MICB: variants seen among roughly 807,000 people sequenced by gnomAD.
MICB encodes the protein MHC class I polypeptide-related sequence B, also known as MHC class I antigen-related protein B.
Under a neutral mutation model 34.3 loss-of-function variants are expected in MICB, and 27 were observed. The observed-to-expected ratio is 0.79, with a 90% CI of 0.58 to 1.08. The LOEUF (loss-of-function observed/expected upper bound fraction) is 1.08, where lower values mean the gene tolerates loss of function less well. Ranked by LOEUF, MICB falls within the 50% of genes least tolerant of loss-of-function variation. MICB has a pLI of 0.00. For synonymous variants in MICB, 153 were observed against 187.4 expected, an observed-to-expected ratio of 0.82 and a Z score of 1.50; for missense variants, 426 against 483.1, an observed-to-expected ratio of 0.88 and a Z score of 1.11.
In MICB at chr6:31,505,643, A is replaced by G; in HGVS notation, c.97A>G (p.Met33Val). 6.2e-7 allele frequency: 1 copy of G among 1,612,668 alleles called. No individual in the cohort carries two copies. The highest frequency in any genetic ancestry group is 8.5e-7 in the Non-Finnish European group (1 of 1,179,816). The change falls in exon 2 of 6, where the codon ATG becomes GTG. Residue 33 changes from methionine to valine, a missense_variant. Met to Val is a conservative substitution (Grantham distance 21, BLOSUM62 1). Transcript: ENST00000252229. Reference sequence around the variant, plus strand: ...GCCCCACAGTCTTCGTTACAACCTCATGGTGCTGTCCCAGGATGGATCTGT... The same window carrying G: ...GCCCCACAGTCTTCGTTACAACCTCGTGGTGCTGTCCCAGGATGGATCTGT... ...AEPHSLRYNLMVLSQDGSVQS... is the reference protein window; with the variant it reads ...AEPHSLRYNLVVLSQDGSVQS...
intron 1 of MICB, among the ~76,000 whole-genome samples, chr6:31,500,618 G>A (rs1764967192): frequency 6.6e-6 from 1 of 152,046 alleles, no homozygotes; most frequent in African/African-American, 2.4e-5. Flanking sequence ...CTCAGCCTCT[G>A]GTAGTCGTCA....
intron 1 of MICB, among the ~76,000 whole-genome samples, chr6:31,499,477 C>G (rs1371035962): frequency 6.6e-6 from 1 of 152,002 alleles, no homozygotes; most frequent in African/African-American, 2.4e-5. Context: ...GCAGCCTTCA[C>G]TCCGTGCTGC....
At chr6:31,502,689 C>G in intron 1 of MICB, among the ~76,000 whole-genome samples, 1 of 152,196 alleles carries the variant, frequency 6.6e-6, no homozygotes, top group East Asian at 1.9e-4. Flanking sequence ...GATGTGCAAA[C>G]AAGGATAATT....
intron 1 of MICB, among the ~76,000 whole-genome samples, chr6:31,504,360 T>C (rs1266031954): frequency 1.4e-5 from 2 of 145,598 alleles, no homozygotes; most frequent in Non-Finnish European, 3.0e-5. Context: ...GCTAGCTTCA[T>C]GCCATTCTCC....
chr6:31,505,893 A>T, intron 2 of MICB, 22 bp downstream of exon 2: 1 of 1,575,124 alleles, frequency 6.3e-7, no homozygotes, highest in African/African-American at 1.4e-5. Flanking sequence ...CAGGGGCAAG[A>T]GTAATGGGAG....
chr6:31,498,336 C>G (rs1213816912), intron 1 of MICB, 73 bp downstream of exon 1: 8 of 1,322,096 alleles, frequency 6.1e-6, no homozygotes, highest in African/African-American at 1.5e-5. Context: ...GGTGGGTTGC[C>G]GCGAGCGCTG....
intron 1 of MICB, among the ~76,000 whole-genome samples, chr6:31,499,486 G>A (rs1764901289): frequency 6.6e-6 from 1 of 151,256 alleles, no homozygotes; most frequent in Non-Finnish European, 1.5e-5. Context: ...ACTCCGTGCT[G>A]CCCCTATGCC....
chr6:31,506,982 G>A (rs1765373070), intron 3 of MICB, 40 bp from the exon 4 acceptor site: 1 of 1,592,118 alleles, frequency 6.3e-7, no homozygotes, highest in Non-Finnish European at 8.6e-7. Flanking sequence ...CTCCCTTAGA[G>A]GGGAGCAGGG....
upstream of MICB, among the ~76,000 whole-genome samples, chr6:31,496,232 TATTGAGA>T (rs1221950410): frequency 1.3e-5 from 2 of 152,230 alleles, no homozygotes; most frequent in African/African-American, 2.4e-5. Context: ...GAATTCTTAT[TATTGAGA>T]ATTGAGAATT....
chr6:31,495,602 G>A (rs75565243), upstream of MICB, among the ~76,000 whole-genome samples: 4,267 of 152,206 alleles, frequency 0.028, 150 homozygotes, highest in South Asian at 0.15. Flanking sequence ...AGGGATGATA[G>A]GGGAATAGTT....
At chr6:31,502,689 C>T (rs1429130912) in intron 1 of MICB, among the ~76,000 whole-genome samples, 1 of 152,196 alleles carries the variant, frequency 6.6e-6, no homozygotes, top group Non-Finnish European at 1.5e-5. Context: ...GATGTGCAAA[C>T]AAGGATAATT....
At chr6:31,497,706 G>T (rs960603833), upstream of MICB, among the ~76,000 whole-genome samples, 1 of 152,118 alleles carries the variant, frequency 6.6e-6, no homozygotes, top group Non-Finnish European at 1.5e-5. Context: ...TTGAGGGAGT[G>T]TATTGGGAGA....
upstream of MICB, among the ~76,000 whole-genome samples, chr6:31,495,234 A>G (rs961431476): frequency 2.0e-5 from 3 of 152,104 alleles, no homozygotes; most frequent in African/African-American, 7.2e-5. Flanking sequence ...AACAAACCTT[A>G]AATATTCATT....
At chr6:31,495,451 T>C (rs1441909021), upstream of MICB, among the ~76,000 whole-genome samples, 1 of 152,030 alleles carries the variant, frequency 6.6e-6, no homozygotes, top group Non-Finnish European at 1.5e-5. Flanking sequence ...CTCTCTAAGG[T>C]GGGGACAGGA....
At chr6:31,499,258 A>G (rs1764885144) in intron 1 of MICB, among the ~76,000 whole-genome samples, 1 of 151,582 alleles carries the variant, frequency 6.6e-6, no homozygotes. Flanking sequence ...TCCCACCCCT[A>G]CTAATGACCA....
intron 1 of MICB, among the ~76,000 whole-genome samples, chr6:31,503,949 C>CTGTGTGTGTG (rs9279324): frequency 0.024 from 2,291 of 97,452 alleles, 43 homozygotes; most frequent in Non-Finnish European, 0.032. Context: ...GCCAAACTTG[C>CTGTGTGTGTG]TGTGTGTGTG....
chr6:31,505,957 G>C, intron 2 of MICB, 86 bp downstream of exon 2: 1 of 1,503,518 alleles, frequency 6.7e-7, no homozygotes, highest in East Asian at 2.5e-5. Context: ...CTTCCCGCTG[G>C]ATCTGGCTGG....
At chr6:31,506,548 A>G in intron 3 of MICB, 118 bp downstream of exon 3, 3 of 1,151,282 alleles carry the variant, frequency 2.6e-6, no homozygotes, top group Non-Finnish European at 2.4e-6. Flanking sequence ...TCCTGTTGGC[A>G]TATTGTGTCC....
intron 1 of MICB, among the ~76,000 whole-genome samples, chr6:31,505,214 A>G (rs2150288570): frequency 6.6e-6 from 1 of 151,720 alleles, no homozygotes; most frequent in Non-Finnish European, 1.5e-5. Context: ...TGTGCACCAC[A>G]GCCACACTGG....
Sources: allele counts gnomAD v4.1 joint callset (sites outside exome capture counted in the v4.1 genomes callset), GRCh38; gene constraint gnomAD v4.1.1; transcripts MANE v1.5; gene names NCBI Gene and HGNC (gene_info 2026-07-23, HGNC 2026-07-21).